The following SLC23A3 variants were observed in gnomAD, a reference collection of about 807,000 sequenced individuals.
The protein encoded by SLC23A3 is E2-binding protein 3.
In SLC23A3, 41 loss-of-function variants were observed where a neutral mutation model predicts 64.7. That is an observed-to-expected ratio of 0.63 (90% confidence interval 0.49 to 0.82). SLC23A3 has a LOEUF of 0.82. Among genes scored for constraint, SLC23A3 ranks in the 40% least tolerant of loss-of-function variants. The probability of loss-of-function intolerance (pLI) is 0.00; values close to 1 mark genes in which losing one functional copy is unlikely to be tolerated. For synonymous variants in SLC23A3, 281 were observed against 306.8 expected (o/e 0.92, Z 0.88); for missense variants, 647 against 733.4 (o/e 0.88, Z 1.36).
At position 219,168,741 on chromosome 2, in the gene SLC23A3, C is replaced by G; in HGVS notation, c.585G>C (p.Leu195=). The change falls in exon 5 of 12, where the codon CTG becomes CTC. Residue 195 remains leucine, a synonymous_variant. Coordinates refer to ENST00000409878, the MANE Select transcript of SLC23A3 (RefSeq NM_001144889.2). ...CCACAACCAGGCTGGGAGCCAGCAC[C>G]AGGGGCCCACAGTGGGGGAACACGT... ...PGHVFPHCGP[L]VLAPSLVVAG... is the part of the protein sequence containing the mutation. 2 of 1,613,296 alleles carry G rather than the reference C, an allele frequency of 1.2e-6. No individual in the cohort carries two copies. The highest frequency in any genetic ancestry group is 1.7e-6 in the Non-Finnish European group (2 of 1,179,610).
At chr2:219,164,550 C>A in intron 8 of SLC23A3, 1 of 485,734 alleles carries the variant, frequency 2.1e-6, no homozygotes, top group Non-Finnish European at 3.6e-6. Context: ...ATTTTCTTCA[C>A]TTTTCTTTTT....
At position 219,161,954 on chromosome 2, in the gene SLC23A3, C is replaced by G. The variant is rs372150675; in HGVS notation, c.1788G>C (p.Glu596Asp). Reference protein sequence around the residue: ...EMADLLPGSGEPCPESSREGF... With the variant: ...EMADLLPGSGDPCPESSREGF... The stretch of plus-strand genomic sequence containing the variant: ...CTTCTCTGCTAGATTCAGGGCATGG[C>G]TCCCCTGAGCCAGGCAGCAAGTCTG... The change falls in exon 12 of 12, where the codon GAG (glutamate) becomes GAC (aspartate). Residue 596 changes from glutamate to aspartate, a missense_variant. Physicochemically the swap from Glu to Asp is conservative, Grantham distance 45 (BLOSUM62 2). Transcript: ENST00000409878. 6.2e-7 allele frequency: 1 copy of G among 1,605,532 alleles called. No homozygotes were observed. Among genetic ancestry groups the G allele is most frequent in the East Asian group, 2.2e-5 (1 of 44,754 alleles).
rs1224976790 is a variant in SLC23A3 at position 219,169,895 on chromosome 2, A to G, written c.90T>C (p.Asn30=). 6.2e-7 allele frequency: 1 copy of G among 1,613,394 alleles called. No individual in the cohort carries two copies. Among genetic ancestry groups the G allele is most frequent in the Non-Finnish European group, 8.5e-7 (1 of 1,179,758 alleles). ...LAPLPPPAPQ[N]PSTHSWDPLC... ...AAGGGTCCCAAGAGTGGGTGGAGGG[A>G]TTCTGGGGAGCAGGTGGAGGCAAGG... Residue 30 remains asparagine (N), a synonymous_variant, in exon 1 of 12, where the codon AAT becomes AAC. Transcript: ENST00000409878. This position sits in a 1 kb window ranked among gnomAD's most constrained non-coding sequence, Gnocchi z 4.5.
At chr2:219,165,498 C>T (rs1949997470) in intron 7 of SLC23A3, 76 bp from the exon 8 acceptor site, 4 of 1,481,664 alleles carry the variant, frequency 2.7e-6, no homozygotes, top group Admixed American at 2.7e-5. Context: ...GCCTGTGCCA[C>T]AAGAATCCTA....
Position 219,168,162 on chromosome 2 carries a change from G to A in SLC23A3, c.798+33C>T, listed in dbSNP as rs756236231. On this transcript the variant is annotated intron_variant, in intron 6 of 11. Transcript: ENST00000409878. ...GTGAGCACTCCAGGCCAGCCCTTCT[G>A]ACCTCTACTGCCCTGCCCAGACCCA... 15 of 1,610,502 alleles carry A rather than the reference G, an allele frequency of 9.3e-6. No homozygotes were observed. In the East Asian group the frequency reaches 3.1e-4, roughly 34 times the overall value.
Position 219,164,347 on chromosome 2 carries a change from A to G in SLC23A3, c.1168-9T>C, listed in dbSNP as rs1166753073. 1.3e-6 allele frequency: 2 copies of G among 1,570,286 alleles called. No individual in the cohort carries two copies. The highest frequency in any genetic ancestry group is 8.7e-7 in the Non-Finnish European group (1 of 1,154,410). On this transcript the variant is annotated splice_polypyrimidine_tract_variant and intron_variant, in intron 8 of 11. Transcript: ENST00000409878. Reference sequence around the variant, plus strand: ...ACTTGCTGAGATCCAGCCTGCATGAAGAAAAGACACTGGAAAACACAGCCA... The same window carrying G: ...ACTTGCTGAGATCCAGCCTGCATGAGGAAAAGACACTGGAAAACACAGCCA...
At chr2:219,163,705 T>C in intron 9 of SLC23A3, 150 bp from the exon 10 acceptor site, 1 of 822,956 alleles carries the variant, frequency 1.2e-6, no homozygotes, top group Non-Finnish European at 1.9e-6. Flanking sequence ...TTTTTTTGGT[T>C]TTTTTTTGAG....
At chr2:219,168,066 A>C (rs201211943) in intron 6 of SLC23A3, 22 bp from the exon 7 acceptor site, 36 of 1,565,852 alleles carry the variant, frequency 2.3e-5, no homozygotes, top group Non-Finnish European at 2.7e-5. Flanking sequence ...GACTGAGAAA[A>C]GAACTCCTCC....
In SLC23A3 at chr2:219,161,945, A is replaced by G; in HGVS notation, c.1797T>C (p.Pro599=). 6.3e-7 allele frequency: 1 copy of G among 1,598,306 alleles called. No homozygotes were observed. Among genetic ancestry groups the G allele is most frequent in the Non-Finnish European group, 8.5e-7 (1 of 1,171,660 alleles). Residue 599 remains proline (P), a synonymous_variant, in exon 12 of 12, where the codon CCT becomes CCC. Transcript: ENST00000409878. ...ACCTAAACCCTTCTCTGCTAGATTC[A>G]GGGCATGGCTCCCCTGAGCCAGGCA... is the stretch of plus-strand genomic sequence containing the variant. The part of the protein sequence containing the change: ...DLLPGSGEPC[P]ESSREGFRSQ...
Position 219,162,009 on chromosome 2 carries a change from T to G in SLC23A3, c.1733A>C (p.Glu578Ala). ...CTCTTCTGGCTCAGAGGAGCCTCCT[T>G]CCTCATCCCCAGGGTCTTCAGGCAG... ...CPLPEDPGDE[E>A]GGSSEPEEMA... is the part of the protein sequence containing the mutation. Residue 578 changes from glutamate to alanine, a missense_variant, in exon 12 of 12, where the codon GAA becomes GCA. Transcript: ENST00000409878. 1 of 1,614,098 alleles carries G rather than the reference T, an allele frequency of 6.2e-7. No individual in the cohort carries two copies.
chr2:219,169,822 C>A lies in SLC23A3; in HGVS notation c.162+1G>T. On this transcript the variant is annotated splice_donor_variant, in intron 1 of 11. Coordinates refer to ENST00000409878, the MANE Select transcript of SLC23A3 (RefSeq NM_001144889.2). LOFTEE classifies it high-confidence loss of function. The surrounding 1 kb of genome is among the most constrained non-coding windows in gnomAD (Gnocchi z 4.5). ...CCAACTCCTGCACCTCTGCCTCCTA[C>A]CTGCAGAGCCAGAAGACAGCTGAGG... is the stretch of plus-strand genomic sequence containing the variant. The A allele has an allele frequency of 6.2e-7, 1 of 1,613,920 alleles. No homozygotes were observed. The highest frequency in any genetic ancestry group is 8.5e-7 in the Non-Finnish European group (1 of 1,179,934).
At chr2:219,165,814 C>T (rs1483782015) in intron 7 of SLC23A3, among the ~76,000 whole-genome samples, 2 of 152,224 alleles carry the variant, frequency 1.3e-5, no homozygotes, top group South Asian at 2.1e-4. Context: ...TCTTCCATCT[C>T]AACTCAGTGG....
At position 219,169,944 on chromosome 2, in the gene SLC23A3, A is replaced by C. The variant is rs754943278; in HGVS notation, c.41T>G (p.Val14Gly). The C allele has an allele frequency of 6.2e-7, 1 of 1,614,034 alleles. No individual in the cohort carries two copies. Among genetic ancestry groups the C allele is most frequent in the Admixed American group, 1.7e-5 (1 of 59,978 alleles). The change falls in exon 1 of 12, where the codon GTG becomes GGG. Residue 14 changes from valine (V) to glycine (G), a missense_variant. Transcript: ENST00000409878. The surrounding 1 kb of genome is among the most constrained non-coding windows in gnomAD (Gnocchi z 4.5). Reference protein sequence around the residue: ...SPLNPSQLRSVGSQDALAPLP... With the variant: ...SPLNPSQLRSGGSQDALAPLP... ...GGGGGCCAGGGCATCCTGGGAGCCC[A>C]CTGATCGGAGTTGGCTGGGATTGAG...
chr2:219,169,780 C>T lies in SLC23A3; in HGVS notation c.162+43G>A. The stretch of plus-strand genomic sequence containing the variant: ...CCACATCTACACCTACTTCCCCACA[C>T]ACACCATCAGGCAGCACCAACTCCT... On this transcript the variant is annotated intron_variant, in intron 1 of 11. Transcript: ENST00000409878. This position sits in a 1 kb window ranked among gnomAD's most constrained non-coding sequence, Gnocchi z 4.5. The T allele has an allele frequency of 3.1e-6, 5 of 1,612,940 alleles. No individual in the cohort carries two copies. The highest frequency in any genetic ancestry group is 4.2e-6 in the Non-Finnish European group (5 of 1,179,574).
intron 9 of SLC23A3, among the ~76,000 whole-genome samples, chr2:219,163,866 T>G (rs1300530198): frequency 1.3e-5 from 2 of 151,900 alleles, no homozygotes; most frequent in East Asian, 3.9e-4. Context: ...CACGCCCAGC[T>G]AATTTTTGCA....
chr2:219,161,864 T>C lies in SLC23A3; in HGVS notation c.*45A>G, dbSNP rs766102800. ...GTTTGGGAGCTGACTCTCCAGCAGA[T>C]GAGAGTTAGGGCTAAATTAACCAGG... On this transcript the variant is annotated 3_prime_UTR_variant, in exon 12 of 12. Transcript: ENST00000409878. 2.0e-6 allele frequency: 3 copies of C among 1,502,030 alleles called. No individual in the cohort carries two copies. The highest frequency in any genetic ancestry group is 2.7e-6 in the Non-Finnish European group (3 of 1,120,712). 93.0% of individuals were successfully genotyped at this position (1,502,030 alleles called of 1,614,324 possible). A position where few individuals can be genotyped will look rare whatever the true frequency, so the allele number is the denominator to read the frequency against.
intron 10 of SLC23A3, among the ~76,000 whole-genome samples, 165 bp from the exon 11 acceptor site, chr2:219,162,559 A>G (rs1361439746): frequency 6.6e-6 from 1 of 152,020 alleles, no homozygotes; most frequent in Admixed American, 6.5e-5. Context: ...CACTTTCCAA[A>G]TCCAGGCCTT....
Position 219,168,336 on chromosome 2 carries a change from T to G in SLC23A3, c.675-18A>C. On this transcript the variant is annotated intron_variant, in intron 5 of 11. Coordinates refer to ENST00000409878, the MANE Select transcript of SLC23A3 (RefSeq NM_001144889.2). ...GGATAACCCTAGGAGACAGAAGGCT[T>G]TAGGAGCAAGAGGCAGTGGGTATCC... 1 of 1,572,430 alleles carries G rather than the reference T, an allele frequency of 6.4e-7. No homozygotes were observed. The highest frequency in any genetic ancestry group is 8.6e-7 in the Non-Finnish European group (1 of 1,159,374).
chr2:219,162,097 G>C lies in SLC23A3; in HGVS notation c.1645C>G (p.Leu549Val). 6.2e-7 allele frequency: 1 copy of C among 1,614,240 alleles called. No individual in the cohort carries two copies. Among genetic ancestry groups the C allele is most frequent in the Non-Finnish European group, 8.5e-7 (1 of 1,180,048 alleles). The change falls in exon 12 of 12, where the codon CTT (leucine) becomes GTT (valine). Residue 549 changes from leucine to valine, a missense_variant. Leu to Val is a conservative substitution (Grantham distance 32). Coordinates refer to ENST00000409878, the MANE Select transcript of SLC23A3 (RefSeq NM_001144889.2). ...CAGAGGTTTTGGATGGGGAAAGGAA[G>C]TCTGTACACTTGAGCAGCCTTCTCC... ...PREKAAQVYR[L>V]PFPIQNLCPC...
Sources: gnomAD v4.1 joint callset for allele counts (sites outside exome capture counted in the v4.1 genomes callset) on GRCh38, gnomAD v4.1.1 for gene constraint, Gnocchi (gnomAD v3.1) non-coding constraint, MANE v1.5 for transcripts, NCBI Gene and HGNC (gene_info 2026-07-23, HGNC 2026-07-21) for gene names.